MAML2: variants seen among roughly 807,000 people sequenced by gnomAD.
MAML2 encodes mastermind like transcriptional coactivator 2.
Under a neutral mutation model 96.1 loss-of-function variants are expected in MAML2, and 22 were observed. That is an observed-to-expected ratio of 0.23 (90% CI 0.16 to 0.33). The LOEUF (loss-of-function observed/expected upper bound fraction) is 0.33. Among genes scored for constraint, MAML2 ranks in the 10% least tolerant of loss-of-function variants. MAML2 has a pLI of 1.00. For missense variants in MAML2, 1,367 were observed against 1,392.4 expected, an observed-to-expected ratio of 0.98 and a Z score of 0.29; for synonymous variants, 561 against 521.3, an observed-to-expected ratio of 1.08 and a Z score of -1.04.
chr11:96,150,349 G>A (rs1392180332), intron 1 of MAML2, among the ~76,000 whole-genome samples: 1 of 152,204 alleles, frequency 6.6e-6, no homozygotes, highest in Admixed American at 6.5e-5. Context: ...TAAAGTGAGA[G>A]CACATAGGAA....
chr11:96,342,115 G>A lies in MAML2; in HGVS notation c.-220C>T. ...AAGAATAGAAACCAACTGGGGGGAG[G>A]ATAAGTTGGAAACAAACCCTGATTA... On this transcript the variant is annotated 5_prime_UTR_variant, in exon 1 of 5. Transcript: ENST00000524717. 1.8e-6 allele frequency: 1 copy of A among 548,786 alleles called. No homozygotes were observed. 34.0% of individuals were successfully genotyped at this position (548,786 alleles called of 1,614,324 possible).
rs7102653 is a variant in MAML2, at chr11:96,143,915, A to C, written c.514-50398T>G. Among the ~76,000 whole-genome samples the C allele has an allele frequency of 7.2e-3, 1,102 of 152,322 alleles. 12 individuals carry two copies. The highest frequency in any genetic ancestry group is 0.025 in the African/African-American group (1,051 of 41,566). On this transcript the variant is annotated intron_variant, in intron 1 of 4. Transcript: ENST00000524717. ...TGTTTGGAATCAGATGTAGCTTTCCACTACCATAATTACACATTTTATTTC... is the reference window on the plus strand; with the variant it reads ...TGTTTGGAATCAGATGTAGCTTTCCCCTACCATAATTACACATTTTATTTC...
intron 2 of MAML2, among the ~76,000 whole-genome samples, chr11:96,051,751 A>T (rs1348786990): frequency 6.6e-6 from 1 of 152,254 alleles, no homozygotes; most frequent in African/African-American, 2.4e-5. Context: ...TTCAGGAGGC[A>T]TCAGGAGAAC....
At chr11:96,134,053 C>T (rs1301213019) in intron 1 of MAML2, among the ~76,000 whole-genome samples, 2 of 152,182 alleles carry the variant, frequency 1.3e-5, no homozygotes, top group East Asian at 3.9e-4. Flanking sequence ...TATAATTAGA[C>T]ATTGCTGACA....
intron 3 of MAML2, among the ~76,000 whole-genome samples, chr11:95,986,280 C>G (rs1857827275): frequency 6.6e-6 from 1 of 151,594 alleles, no homozygotes; most frequent in Non-Finnish European, 1.5e-5. Flanking sequence ...TCTCGGCTTA[C>G]TGCAACCTCT....
chr11:96,111,784 G>C (rs1860128311), intron 1 of MAML2, among the ~76,000 whole-genome samples: 1 of 152,192 alleles, frequency 6.6e-6, no homozygotes. Context: ...GGAATTCAGA[G>C]CCCACAGCTG....
At chr11:96,033,077 C>A (rs1460003410) in intron 2 of MAML2, among the ~76,000 whole-genome samples, 5 of 152,198 alleles carry the variant, frequency 3.3e-5, no homozygotes, top group Non-Finnish European at 5.9e-5. Flanking sequence ...AAATGGTCTA[C>A]AGCTTATTTT....
intron 1 of MAML2, among the ~76,000 whole-genome samples, chr11:96,145,021 C>A (rs1860793984): frequency 6.6e-6 from 1 of 152,126 alleles, no homozygotes; most frequent in Non-Finnish European, 1.5e-5. Context: ...TAATAATAAT[C>A]CCTACATTTG....
chr11:96,260,872 GT>G (rs1453152369), intron 1 of MAML2, among the ~76,000 whole-genome samples: 1 of 151,902 alleles, frequency 6.6e-6, no homozygotes, highest in Non-Finnish European at 1.5e-5. Flanking sequence ...TAAAAAGGTT[GT>G]TTTTTTGTTT....
intron 2 of MAML2, among the ~76,000 whole-genome samples, chr11:95,998,141 A>AGTCTGTCTGTCTGTCT (rs200511361): frequency 0.062 from 8,869 of 143,364 alleles, 332 homozygotes; most frequent in Non-Finnish European, 0.081. Context: ...TCTGTCTGTC[A>AGTCTGTCTGTCTGTCT]GTCTGTCTGT....
chr11:96,315,488 C>T (rs1461876625), intron 1 of MAML2, among the ~76,000 whole-genome samples: 1 of 152,190 alleles, frequency 6.6e-6, no homozygotes, highest in Non-Finnish European at 1.5e-5. Flanking sequence ...TATTCCAATG[C>T]TATCTCTTTC....
At chr11:96,172,722 C>T (rs529472319) in intron 1 of MAML2, among the ~76,000 whole-genome samples, 22 of 152,278 alleles carry the variant, frequency 1.4e-4, no homozygotes, top group African/African-American at 4.6e-4. Context: ...TTTCACTTGT[C>T]CTGCTACAAT....
chr11:96,002,964 T>C (rs111064488), intron 2 of MAML2, among the ~76,000 whole-genome samples: 31,224 of 138,266 alleles, frequency 0.23, 4,176 homozygotes, highest in East Asian at 0.38. Flanking sequence ...ATGGCGATGA[T>C]GAAGATGGTG....
intron 2 of MAML2, among the ~76,000 whole-genome samples, chr11:96,051,252 C>A (rs1453249145): frequency 2.6e-5 from 4 of 152,098 alleles, no homozygotes; most frequent in Admixed American, 6.6e-5. Flanking sequence ...TATTCAAGGT[C>A]CTTTCTCTCA....
intron 1 of MAML2, among the ~76,000 whole-genome samples, chr11:96,166,992 AC>A (rs1861204937): frequency 6.6e-6 from 1 of 152,110 alleles, no homozygotes. Flanking sequence ...ATGATACCAA[AC>A]ACCATGTCCC....
intron 1 of MAML2, among the ~76,000 whole-genome samples, chr11:96,241,567 CTT>C (rs1451452773): frequency 6.6e-6 from 1 of 152,194 alleles, no homozygotes. Context: ...ACAAAAAGGA[CTT>C]AGTCCAGAAA....
chr11:96,202,087 A>G (rs969717613), intron 1 of MAML2, among the ~76,000 whole-genome samples: 3 of 148,238 alleles, frequency 2.0e-5, no homozygotes, highest in African/African-American at 7.5e-5. Context: ...TAATCCCAGC[A>G]CTTTGGGAGG....
At chr11:96,145,058 A>C (rs1383259311) in intron 1 of MAML2, among the ~76,000 whole-genome samples, 1 of 152,214 alleles carries the variant, frequency 6.6e-6, no homozygotes, top group Non-Finnish European at 1.5e-5. Flanking sequence ...AATGGTTTTC[A>C]AGGAAGTTTC....
chr11:95,998,562 C>T (rs1858034615), intron 2 of MAML2, among the ~76,000 whole-genome samples: 1 of 152,130 alleles, frequency 6.6e-6, no homozygotes, highest in South Asian at 2.1e-4. Flanking sequence ...TAGTCATAGT[C>T]ACACCCTGGA....
Sources: allele counts gnomAD v4.1 joint callset (sites outside exome capture counted in the v4.1 genomes callset), GRCh38; gene constraint gnomAD v4.1.1; transcripts MANE v1.5; gene names NCBI Gene and HGNC (gene_info 2026-07-23, HGNC 2026-07-21).